Variants in AKAP6 observed in about 807,000 individuals in gnomAD.
The protein encoded by AKAP6 is A-kinase anchor protein 6.
AKAP6 carries 58 observed loss-of-function variants against 188.5 expected under a neutral mutation model. The observed-to-expected ratio is 0.31, with a 90% confidence interval of 0.25 to 0.38. The LOEUF (loss-of-function observed/expected upper bound fraction) is 0.38. Ranked by LOEUF, AKAP6 falls within the 10% of genes least tolerant of loss-of-function variation. AKAP6 has a pLI of 1.00. For synonymous variants in AKAP6, 989 were observed against 998.6 expected (o/e 0.99, Z 0.18); for missense variants, 2,710 against 2,740.0 (o/e 0.99, Z 0.24).
At chr14:32,518,300 G>A (rs1447386424) in intron 2 of AKAP6, among the ~76,000 whole-genome samples, 2 of 152,178 alleles carry the variant, frequency 1.3e-5, no homozygotes, top group Non-Finnish European at 2.9e-5. Context: ...TCCTCCAAAG[G>A]AAAGCAGTTC....
intron 2 of AKAP6, among the ~76,000 whole-genome samples, chr14:32,458,981 C>G (rs1422640472): frequency 6.6e-6 from 1 of 152,046 alleles, no homozygotes; most frequent in Non-Finnish European, 1.5e-5. Context: ...TAGAAACAAC[C>G]CAGATATCCA....
At chr14:32,363,738 G>T (rs1887737838) in intron 1 of AKAP6, among the ~76,000 whole-genome samples, 1 of 152,176 alleles carries the variant, frequency 6.6e-6, no homozygotes, top group Non-Finnish European at 1.5e-5. Flanking sequence ...GCCTCTCCTA[G>T]TCCACTGACT....
chr14:32,799,120 G>T (rs1594957350), intron 12 of AKAP6, among the ~76,000 whole-genome samples: 2 of 152,146 alleles, frequency 1.3e-5, no homozygotes, highest in East Asian at 3.9e-4. Flanking sequence ...AAATGACAGA[G>T]AAGTGAATAG....
intron 12 of AKAP6, among the ~76,000 whole-genome samples, chr14:32,795,412 C>G (rs1315574375): frequency 6.6e-6 from 1 of 152,128 alleles, no homozygotes; most frequent in Non-Finnish European, 1.5e-5. Flanking sequence ...CTGAATCCAG[C>G]CAGCAGCACA....
chr14:32,697,153 C>T (rs925286735), intron 9 of AKAP6, among the ~76,000 whole-genome samples: 7 of 151,950 alleles, frequency 4.6e-5, no homozygotes, highest in African/African-American at 1.5e-4. Flanking sequence ...TTTAAATTAC[C>T]GTTCTTTAAT....
At chr14:32,423,778 T>A (rs1347855975) in intron 1 of AKAP6, among the ~76,000 whole-genome samples, 1 of 152,142 alleles carries the variant, frequency 6.6e-6, no homozygotes, top group Non-Finnish European at 1.5e-5. Context: ...TATATATTAC[T>A]CTTTAATTAA....
chr14:32,492,355 T>TAGAGAGAG (rs1555333490), intron 2 of AKAP6, among the ~76,000 whole-genome samples: 36 of 82,558 alleles, frequency 4.4e-4, no homozygotes, highest in South Asian at 7.0e-4. Flanking sequence ...TATATATATA[T>TAGAGAGAG]AGAGAGAGAG....
chr14:32,643,483 T>C (rs1309714387), intron 7 of AKAP6, among the ~76,000 whole-genome samples: 1 of 151,948 alleles, frequency 6.6e-6, no homozygotes, highest in East Asian at 1.9e-4. Context: ...AATTTTTGTA[T>C]CTTTAGTAGA....
chr14:32,657,450 C>T (rs957074416), intron 7 of AKAP6, among the ~76,000 whole-genome samples: 17 of 152,102 alleles, frequency 1.1e-4, no homozygotes, highest in African/African-American at 3.9e-4. Flanking sequence ...TCTCATTACA[C>T]CAACATTTAC....
At chr14:32,426,473 A>T (rs573047831) in intron 1 of AKAP6, among the ~76,000 whole-genome samples, 21 of 152,182 alleles carry the variant, frequency 1.4e-4, no homozygotes, top group Non-Finnish European at 2.9e-4. Context: ...TTTGAAATGA[A>T]TCTTGTTTCA....
At chr14:32,628,142 C>T (rs1887103480) in intron 7 of AKAP6, 1 of 151,972 alleles carries the variant, frequency 6.6e-6, no homozygotes, top group Admixed American at 6.6e-5. Flanking sequence ...CCACAGAGTG[C>T]TCATTACTGC....
chr14:32,382,935 C>T (rs1488515829), intron 1 of AKAP6, among the ~76,000 whole-genome samples: 4 of 152,122 alleles, frequency 2.6e-5, no homozygotes, highest in Non-Finnish European at 5.9e-5. Context: ...GGTATCTCCA[C>T]CAGCCTTACC....
intron 1 of AKAP6, among the ~76,000 whole-genome samples, chr14:32,388,623 G>T (rs1456492853): frequency 6.6e-6 from 1 of 152,058 alleles, no homozygotes; most frequent in South Asian, 2.1e-4. Context: ...GATCACTCAG[G>T]AGCAGGTTAC....
intron 2 of AKAP6, among the ~76,000 whole-genome samples, chr14:32,510,397 TATATATGTATATATATGTATATATATAC>T (rs1217179728): frequency 4.0e-5 from 4 of 99,740 alleles, no homozygotes; most frequent in East Asian, 5.7e-4. Context: ...TATATGTGTA[TATATATGTATATATATGTATATATATAC>T]ATATATATAT....
chr14:32,751,023 C>T lies in AKAP6; in HGVS notation c.3372+15141C>T, dbSNP rs138956815. ...TGCTGGGATTACAGGCGTGAGCCAC[C>T]GCACCCAGCCTGTTCATTCTTTATA... On this transcript the variant is annotated intron_variant, in intron 11 of 13. Coordinates refer to ENST00000280979, the MANE Select transcript of AKAP6 (RefSeq NM_004274.5). Among the ~76,000 whole-genome samples the T allele has an allele frequency of 6.3e-3, 955 of 152,106 alleles. 6 individuals carry two copies. Among genetic ancestry groups the T allele is most frequent in the African/African-American group, 0.022 (909 of 41,492 alleles).
chr14:32,668,201 C>T (rs188194028), intron 7 of AKAP6, among the ~76,000 whole-genome samples: 2 of 152,212 alleles, frequency 1.3e-5, no homozygotes, highest in Non-Finnish European at 1.5e-5. Context: ...TTTGCACTCC[C>T]TTCCCACCCT....
intron 12 of AKAP6, among the ~76,000 whole-genome samples, chr14:32,784,995 A>G (rs1222466639): frequency 6.6e-6 from 1 of 151,250 alleles, no homozygotes; most frequent in Non-Finnish European, 1.5e-5. Flanking sequence ...GATTGATAGC[A>G]CAGTAATTTT....
chr14:32,406,790 AC>A (rs1889310013), intron 1 of AKAP6, among the ~76,000 whole-genome samples: 2 of 152,164 alleles, frequency 1.3e-5, no homozygotes, highest in South Asian at 4.1e-4. Flanking sequence ...TAAATTGAGA[AC>A]TTTCCAAGTC....
At chr14:32,669,541 A>G (rs1889089892) in intron 7 of AKAP6, among the ~76,000 whole-genome samples, 2 of 152,224 alleles carry the variant, frequency 1.3e-5, no homozygotes, top group South Asian at 2.1e-4. Flanking sequence ...AGAAAAAAGC[A>G]GTGGAAAGGT....
Sources: allele counts gnomAD v4.1 joint callset (sites outside exome capture counted in the v4.1 genomes callset), GRCh38; gene constraint gnomAD v4.1.1; transcripts MANE v1.5; gene names NCBI Gene and HGNC (gene_info 2026-07-23, HGNC 2026-07-21).